RGS17: variants seen among roughly 807,000 people sequenced by gnomAD.
RGS17 encodes regulator of G-protein signaling 17.
A neutral mutation model predicts 25.5 loss-of-function variants in RGS17; 12 were observed. The observed-to-expected ratio is 0.47, with a 90% CI of 0.30 to 0.76. The LOEUF (loss-of-function observed/expected upper bound fraction) is 0.76. RGS17 is among the 30% of genes least tolerant of loss of function. The pLI, the probability that RGS17 is intolerant of heterozygous loss-of-function variation, is 0.07. For missense variants in RGS17, 196 were observed against 242.2 expected (o/e 0.81, Z 1.27); for synonymous variants, 71 against 76.9 (o/e 0.92, Z 0.40).
intron 1 of RGS17, among the ~76,000 whole-genome samples, chr6:153,055,284 C>G (rs1484408776): frequency 6.6e-6 from 1 of 151,974 alleles, no homozygotes; most frequent in Non-Finnish European, 1.5e-5. Context: ...TTTTTTTTCC[C>G]TTGAGTTCAC....
rs141285079 is a variant in RGS17, at chr6:153,009,094, T to A, written c.*2480A>T. ...ATCTGTGTTCTACAAATGCCCAGGT[T>A]AGAGATTAGGACTCTTTATAACGGC... is the stretch of plus-strand genomic sequence containing the variant. On this transcript the variant is annotated 3_prime_UTR_variant, in exon 5 of 5. Coordinates refer to ENST00000206262, the MANE Select transcript of RGS17 (RefSeq NM_012419.5). 3.9e-5 allele frequency: 6 copies of A among 152,270 alleles called. No homozygotes were observed. In the East Asian group the frequency reaches 1.2e-3, roughly 29 times the overall value. 9.4% of individuals were successfully genotyped at this position (152,270 alleles called of 1,614,324 possible). A position where few individuals can be genotyped will look rare whatever the true frequency, so the allele number is the denominator to read the frequency against.
chr6:153,081,060 A>G (rs1776971904), intron 1 of RGS17, among the ~76,000 whole-genome samples: 1 of 152,098 alleles, frequency 6.6e-6, no homozygotes, highest in South Asian at 2.1e-4. Context: ...GTGTACTTGA[A>G]AAGGATGTAT....
At chr6:153,093,097 CTT>C (rs1176615929) in intron 1 of RGS17, among the ~76,000 whole-genome samples, 5 of 152,172 alleles carry the variant, frequency 3.3e-5, no homozygotes, top group African/African-American at 7.2e-5. Flanking sequence ...GTATTATGTA[CTT>C]GAAACATTCT....
At chr6:153,084,250 G>A (rs1386905933) in intron 1 of RGS17, among the ~76,000 whole-genome samples, 1 of 152,150 alleles carries the variant, frequency 6.6e-6, no homozygotes, top group Non-Finnish European at 1.5e-5. Context: ...CTCCATTTGG[G>A]TCTTACTCCT....
chr6:153,022,203 G>A (rs576615510), intron 4 of RGS17, among the ~76,000 whole-genome samples: 18 of 152,170 alleles, frequency 1.2e-4, no homozygotes, highest in African/African-American at 3.9e-4. Flanking sequence ...GTGAGACTCC[G>A]TCTCAAAAAA....
chr6:153,124,076 T>G (rs1777673612), intron 1 of RGS17, among the ~76,000 whole-genome samples: 1 of 152,202 alleles, frequency 6.6e-6, no homozygotes, highest in Non-Finnish European at 1.5e-5. Context: ...TGCTTGAACA[T>G]TAGTTGTAGA....
At chr6:153,034,536 G>A (rs1039404869) in intron 2 of RGS17, among the ~76,000 whole-genome samples, 5 of 152,148 alleles carry the variant, frequency 3.3e-5, no homozygotes, top group African/African-American at 4.8e-5. Context: ...AAAGGATTAC[G>A]CAGGGATTTG....
chr6:153,023,630 C>T (rs1162949279), intron 4 of RGS17, among the ~76,000 whole-genome samples: 2 of 152,186 alleles, frequency 1.3e-5, no homozygotes, highest in Admixed American at 6.5e-5. Flanking sequence ...CTTTCAATAA[C>T]AGAAAACCTA....
At chr6:153,099,035 C>T (rs542877696) in intron 1 of RGS17, among the ~76,000 whole-genome samples, 58 of 152,232 alleles carry the variant, frequency 3.8e-4, no homozygotes, top group African/African-American at 1.3e-3. Flanking sequence ...AAAATGTTTC[C>T]AGTGCCCCTT....
chr6:153,061,216 G>A (rs2129114862), intron 1 of RGS17, among the ~76,000 whole-genome samples: 1 of 152,160 alleles, frequency 6.6e-6, no homozygotes, highest in African/African-American at 2.4e-5. Context: ...CATCTTAATG[G>A]GGACAAAAAT....
At chr6:153,065,788 A>G (rs1584141335) in intron 1 of RGS17, among the ~76,000 whole-genome samples, 1 of 152,192 alleles carries the variant, frequency 6.6e-6, no homozygotes, top group African/African-American at 2.4e-5. Flanking sequence ...AAGCAGTACT[A>G]AGAGTGAACT....
At chr6:153,037,456 C>G (rs1239638279) in intron 2 of RGS17, among the ~76,000 whole-genome samples, 2 of 148,462 alleles carry the variant, frequency 1.3e-5, no homozygotes, top group Admixed American at 6.7e-5. Flanking sequence ...GAGACAGAGT[C>G]TCTCTGTTGC....
chr6:153,046,862 A>C, intron 1 of RGS17, among the ~76,000 whole-genome samples: 1 of 152,166 alleles, frequency 6.6e-6, no homozygotes, highest in East Asian at 1.9e-4. Flanking sequence ...GAAGAAAACA[A>C]AACAGAACAA....
intron 1 of RGS17, among the ~76,000 whole-genome samples, chr6:153,062,526 G>A (rs1776654071): frequency 6.6e-6 from 1 of 152,120 alleles, no homozygotes; most frequent in African/African-American, 2.4e-5. Context: ...AAGTACCCTA[G>A]GGCCCTAATG....
At chr6:153,014,194 A>T (rs1436573516) in intron 4 of RGS17, among the ~76,000 whole-genome samples, 2 of 152,216 alleles carry the variant, frequency 1.3e-5, no homozygotes, top group Non-Finnish European at 1.5e-5. Context: ...TAAATCCTAG[A>T]GCCCTTAAGA....
At chr6:153,127,707 A>C (rs1378882050) in intron 1 of RGS17, among the ~76,000 whole-genome samples, 1 of 152,206 alleles carries the variant, frequency 6.6e-6, no homozygotes, top group African/African-American at 2.4e-5. Context: ...TCAGTAATAT[A>C]AATGTTGTAT....
chr6:153,125,916 T>C (rs1264487169), intron 1 of RGS17, among the ~76,000 whole-genome samples: 1 of 152,176 alleles, frequency 6.6e-6, no homozygotes, highest in African/African-American at 2.4e-5. Flanking sequence ...TTTTCCAAGC[T>C]AGATAATTAA....
chr6:153,025,474 C>CT (rs765565215), intron 3 of RGS17, among the ~76,000 whole-genome samples: 1 of 151,440 alleles, frequency 6.6e-6, no homozygotes, highest in Non-Finnish European at 1.5e-5. Flanking sequence ...CTGCAAAAAC[C>CT]ACTAGTAATT....
intron 1 of RGS17, among the ~76,000 whole-genome samples, chr6:153,061,009 T>C (rs12202601): frequency 0.08 from 12,179 of 152,256 alleles, 668 homozygotes; most frequent in Non-Finnish European, 0.12. Flanking sequence ...CTTTCTAGTG[T>C]AGGTGAGCAC....
Sources: gnomAD v4.1 joint callset for allele counts (sites outside exome capture counted in the v4.1 genomes callset) on GRCh38, gnomAD v4.1.1 for gene constraint, MANE v1.5 for transcripts, NCBI Gene and HGNC (gene_info 2026-07-23, HGNC 2026-07-21) for gene names.